GSK3B: variants seen among roughly 807,000 people sequenced by gnomAD.
The protein encoded by GSK3B is glycogen synthase kinase-3 beta.
A neutral mutation model predicts 56.4 loss-of-function variants in GSK3B; 15 were observed. The ratio of observed to expected loss-of-function variants is 0.27; its 90% CI spans 0.18 to 0.41. GSK3B has a LOEUF of 0.41. Among genes scored for constraint, GSK3B ranks in the 10% least tolerant of loss-of-function variants. GSK3B has a pLI of 1.00. For missense variants in GSK3B, 300 were observed against 513.4 expected (o/e 0.58, Z 4.02); for synonymous variants, 181 against 188.9 (o/e 0.96, Z 0.34).
chr3:119,901,667 G>A (rs1360087774), intron 7 of GSK3B, among the ~76,000 whole-genome samples: 1 of 152,020 alleles, frequency 6.6e-6, no homozygotes, highest in Admixed American at 6.6e-5. Context: ...TTAATTCCCA[G>A]CTTATTTCAA....
At chr3:119,851,742 ACCT>A (rs2055933132) in intron 9 of GSK3B, among the ~76,000 whole-genome samples, 1 of 152,150 alleles carries the variant, frequency 6.6e-6, no homozygotes, top group African/African-American at 2.4e-5. Context: ...AAGAAGTCTG[ACCT>A]CCTCATGTGT....
In GSK3B at chr3:119,825,786, T is replaced by A. The variant is rs2055494473; in HGVS notation, c.*1002A>T. On this transcript the variant is annotated 3_prime_UTR_variant, in exon 11 of 11. Transcript: ENST00000264235. ...CAGTAGATGACTGTTACAGTTCACA[T>A]TATTTAACTACAATGTCCTCTCAAG... 4.5e-6 allele frequency: 1 copy of A among 221,272 alleles called. No individual in the cohort carries two copies. Among genetic ancestry groups the A allele is most frequent in the Non-Finnish European group, 9.0e-6 (1 of 110,644 alleles). The allele number at this position is 221,272 out of a possible 1,614,324, so 13.7% of individuals were successfully genotyped here.
chr3:119,990,452 G>T (rs552401733), intron 2 of GSK3B, among the ~76,000 whole-genome samples: 1 of 152,302 alleles, frequency 6.6e-6, no homozygotes, highest in South Asian at 2.1e-4. Flanking sequence ...CACATTTCGT[G>T]TTTCTTTCCT....
intron 1 of GSK3B, among the ~76,000 whole-genome samples, chr3:120,060,552 C>A (rs572263865): frequency 2.0e-5 from 3 of 152,082 alleles, no homozygotes; most frequent in Non-Finnish European, 4.4e-5. Context: ...CATAGGGAGA[C>A]CCCGTCTCTA....
intron 2 of GSK3B, among the ~76,000 whole-genome samples, chr3:119,994,414 T>C (rs549340986): frequency 6.6e-6 from 1 of 152,280 alleles, no homozygotes; most frequent in Admixed American, 6.5e-5. Context: ...CAAAAACTCA[T>C]TAATGCATAC....
intron 1 of GSK3B, among the ~76,000 whole-genome samples, chr3:120,011,102 C>T (rs1488854517): frequency 1.3e-5 from 2 of 152,248 alleles, no homozygotes; most frequent in African/African-American, 4.8e-5. Context: ...CTGTACTCCA[C>T]AATTTTAATT....
At chr3:120,023,876 G>A (rs987448884) in intron 1 of GSK3B, among the ~76,000 whole-genome samples, 13 of 152,172 alleles carry the variant, frequency 8.5e-5, no homozygotes, top group Non-Finnish European at 1.2e-4. Context: ...TGTGACCCGC[G>A]TAGGCAATAT....
chr3:119,903,235 G>C (rs911259817), intron 7 of GSK3B, among the ~76,000 whole-genome samples: 34 of 152,150 alleles, frequency 2.2e-4, no homozygotes, highest in African/African-American at 4.8e-5. Context: ...CCACGGTCAA[G>C]AACATAGAAG....
intron 7 of GSK3B, among the ~76,000 whole-genome samples, chr3:119,903,130 A>AATACAAAGC (rs1329229516): frequency 6.6e-6 from 1 of 152,184 alleles, no homozygotes; most frequent in Non-Finnish European, 1.5e-5. Context: ...ACTTGCACAA[A>AATACAAAGC]ATACAAAGCC....
chr3:120,078,733 A>AGT (rs2058387840), intron 1 of GSK3B, among the ~76,000 whole-genome samples: 1 of 136,200 alleles, frequency 7.3e-6, no homozygotes, highest in Non-Finnish European at 1.6e-5. Context: ...TTGTATTTTT[A>AGT]GTAGAGACAG....
intron 7 of GSK3B, among the ~76,000 whole-genome samples, chr3:119,879,107 T>C (rs560608324): frequency 4.6e-5 from 7 of 152,336 alleles, no homozygotes; most frequent in South Asian, 2.1e-4. Context: ...CACTCTGATA[T>C]AGGCATACAA....
intron 1 of GSK3B, among the ~76,000 whole-genome samples, chr3:120,015,477 C>T (rs1480724757): frequency 6.6e-6 from 1 of 151,508 alleles, no homozygotes; most frequent in East Asian, 1.9e-4. Flanking sequence ...GGTGAAACCC[C>T]ATCTCTACCA....
In GSK3B at chr3:119,984,891, G is replaced by A. The variant is rs532231570; in HGVS notation, c.282+17155C>T. Among the ~76,000 whole-genome samples the A allele has an allele frequency of 1.2e-4, 19 of 152,142 alleles. No homozygotes were observed. In the South Asian group the frequency reaches 3.9e-3, roughly 32 times the overall value. ...ACCTGGCAGAGACACAACAAAAAAA[G>A]GAGAATTTTAGACCAATATCCCTGA... is the stretch of plus-strand genomic sequence containing the variant. On this transcript the variant is annotated intron_variant, in intron 2 of 10. Coordinates refer to ENST00000264235, the MANE Select transcript of GSK3B (RefSeq NM_001146156.2).
At position 120,025,483 on chromosome 3, in the gene GSK3B, T is replaced by C. The variant is rs928515458; in HGVS notation, c.89-23244A>G. On this transcript the variant is annotated intron_variant, in intron 1 of 10. Coordinates refer to ENST00000264235, the MANE Select transcript of GSK3B (RefSeq NM_001146156.2). ...AATGCAGAGGGAATCACTTAAGAGA[T>C]TGAAGTAATTCTGGAGAAGATAGCA... 4.6e-5 allele frequency among the ~76,000 whole-genome samples: 7 copies of C among 152,222 alleles called. No homozygotes were observed. The South Asian group carries it at 6.2e-4, about 14-fold the overall frequency.
chr3:119,987,237 T>A (rs1391270509), intron 2 of GSK3B, among the ~76,000 whole-genome samples: 1 of 152,112 alleles, frequency 6.6e-6, no homozygotes, highest in African/African-American at 2.4e-5. Context: ...AATGATGAGT[T>A]GATGGGTGCA....
chr3:119,881,959 T>C (rs935832860), intron 7 of GSK3B, among the ~76,000 whole-genome samples: 1 of 152,206 alleles, frequency 6.6e-6, no homozygotes, highest in African/African-American at 2.4e-5. Context: ...TATATGACTT[T>C]GCTCCTCCTT....
intron 1 of GSK3B, among the ~76,000 whole-genome samples, chr3:120,032,218 C>T (rs546275678): frequency 1.3e-5 from 2 of 152,038 alleles, no homozygotes; most frequent in East Asian, 1.9e-4. Flanking sequence ...GGCTCATGCC[C>T]GTAACCCCAA....
chr3:120,000,927 T>C (rs1450792552), intron 2 of GSK3B, among the ~76,000 whole-genome samples: 1 of 126,938 alleles, frequency 7.9e-6, no homozygotes, highest in African/African-American at 3.6e-5. Context: ...CCTTTTTTTT[T>C]TTTTTTTTTT....
intron 3 of GSK3B, among the ~76,000 whole-genome samples, chr3:119,933,457 T>C (rs193173120): frequency 4.3e-4 from 66 of 152,352 alleles, no homozygotes; most frequent in Non-Finnish European, 7.5e-4. Context: ...TACACGCTCG[T>C]GCATGCATAA....
Sources: allele counts gnomAD v4.1 joint callset (sites outside exome capture counted in the v4.1 genomes callset), GRCh38; gene constraint gnomAD v4.1.1; transcripts MANE v1.5; gene names NCBI Gene and HGNC (gene_info 2026-07-23, HGNC 2026-07-21).